The following LPAR5 variants were observed in gnomAD, a reference collection of about 807,000 sequenced individuals.
The protein encoded by LPAR5 is lysophosphatidic acid receptor 5, also known as G protein-coupled receptor 92.
For missense variants in LPAR5, 544 were observed against 521.8 expected, an observed-to-expected ratio of 1.04 and a Z score of -0.41; for synonymous variants, 271 against 261.6, an observed-to-expected ratio of 1.04 and a Z score of -0.35.
rs900042946 is a variant in LPAR5, at chr12:6,622,752, T to A, written c.-216-1288A>T. The stretch of plus-strand genomic sequence containing the variant: ...AGCAAGACTCTGTCTCAAAAAAAAA[T>A]AAAATAAAAAATATTAAAAAATTAA... On this transcript the variant is annotated intron_variant, in intron 1 of 1. Transcript: ENST00000329858. Among the ~76,000 whole-genome samples the A allele has an allele frequency of 2.8e-4, 42 of 149,624 alleles. No individual in the cohort carries two copies. The East Asian group carries it at 4.0e-3, about 14-fold the overall frequency.
intron 1 of LPAR5, among the ~76,000 whole-genome samples, chr12:6,631,997 A>G (rs1022505528): frequency 1.5e-4 from 23 of 151,542 alleles, no homozygotes; most frequent in African/African-American, 5.1e-4. Flanking sequence ...TTTGAGACGG[A>G]GTCTCGCACT....
chr12:6,630,188 A>G (rs1046222391), intron 1 of LPAR5, among the ~76,000 whole-genome samples: 16 of 151,044 alleles, frequency 1.1e-4, no homozygotes, highest in Admixed American at 6.6e-5. Context: ...CAGTATCACA[A>G]TCTTGGCTCA....
Position 6,621,327 on chromosome 12 carries a change from G to T in LPAR5, c.-79C>A. The stretch of plus-strand genomic sequence containing the variant: ...ATCATGGCATGGCATTCACCTCCGG[G>T]GCTGGGGCCTAGAGGCTGTACAGAC... On this transcript the variant is annotated 5_prime_UTR_variant, in exon 2 of 2. Coordinates refer to ENST00000329858, the MANE Select transcript of LPAR5 (RefSeq NM_020400.6). The T allele has an allele frequency of 7.3e-7, 1 of 1,370,562 alleles. No individual in the cohort carries two copies. 84.9% of individuals were successfully genotyped at this position (1,370,562 alleles called of 1,614,324 possible). A position where few individuals can be genotyped will look rare whatever the true frequency, so the allele number is the denominator to read the frequency against.
chr12:6,625,391 CG>C, intron 1 of LPAR5, among the ~76,000 whole-genome samples: 1 of 127,032 alleles, frequency 7.9e-6, no homozygotes, highest in East Asian at 2.4e-4. Context: ...AGCCACTGCA[CG>C]CCAGCCTGGG....
At position 6,619,881 on chromosome 12, in the gene LPAR5, C is replaced by T. The variant is rs867030274; in HGVS notation, c.*249G>A. The T allele has an allele frequency of 2.6e-5, 18 of 687,038 alleles. No individual in the cohort carries two copies. The Middle Eastern group carries it at 2.8e-3, about 107-fold the overall frequency. 42.6% of individuals were successfully genotyped at this position (687,038 alleles called of 1,614,324 possible). On this transcript the variant is annotated 3_prime_UTR_variant, in exon 2 of 2. Transcript: ENST00000329858. ...CTCTTCTGCCCTCTGCACGGGTGGG[C>T]TCTCTGCATCACTTCCCACCGCTGG...
chr12:6,635,581 C>G (rs781014581), intron 1 of LPAR5, among the ~76,000 whole-genome samples: 1 of 152,096 alleles, frequency 6.6e-6, no homozygotes, highest in Non-Finnish European at 1.5e-5. Flanking sequence ...AGGGCCCTCC[C>G]TGGGAGGCCC....
In LPAR5 at chr12:6,620,536, G is replaced by C; in HGVS notation, c.713C>G (p.Ala238Gly). ...RRRKTVRLLL[A>G]NLVIFLLCFV... ...GCACAGCAGGAAGATGACGAGGTTA[G>C]CCAGCAGGAGGCGCACGGTCTTCCG... The change falls in exon 2 of 2, where the codon GCT becomes GGT. Residue 238 changes from alanine (A) to glycine (G), a missense_variant. Physicochemically the swap from Ala to Gly is moderately conservative, Grantham distance 60. Coordinates refer to ENST00000329858, the MANE Select transcript of LPAR5 (RefSeq NM_020400.6). This position sits in a 1 kb window ranked among gnomAD's most constrained non-coding sequence, Gnocchi z 6.8. 1.3e-6 allele frequency: 2 copies of C among 1,570,730 alleles called. No homozygotes were observed. Among genetic ancestry groups the C allele is most frequent in the Non-Finnish European group, 1.7e-6 (2 of 1,158,492 alleles).
At position 6,621,076 on chromosome 12, in the gene LPAR5, C is replaced by T. The variant is rs374451689; in HGVS notation, c.173G>A (p.Ser58Asn). 76 of 1,603,386 alleles carry T rather than the reference C, an allele frequency of 4.7e-5. 1 individual carries two copies. Among genetic ancestry groups the T allele is most frequent in the African/African-American group, 2.8e-4 (21 of 74,656 alleles). Residue 58 changes from serine (S) to asparagine (N), a missense_variant, in exon 2 of 2, where the codon AGC becomes AAC. By Grantham distance (46) the Ser-to-Asn change is conservative. Coordinates refer to ENST00000329858, the MANE Select transcript of LPAR5 (RefSeq NM_020400.6). ...GGCCGCCAGGTTACACATGTACACG[C>T]TCACCACCGAGTGCACGCGCAGCGC... ...LRALRVHSVV[S>N]VYMCNLAASD...
Position 6,620,230 on chromosome 12 carries a change from TCGGTGGTGACGG to T in LPAR5, c.1007_1018del (p.Ala336_Thr339del). On this transcript the variant is annotated inframe_deletion, in exon 2 of 2. Transcript: ENST00000329858. This position sits in a 1 kb window ranked among gnomAD's most constrained non-coding sequence, Gnocchi z 6.8. ...ACTGGCGGCATCCGGCCTGGTGGCG[TCGGTGGTGACGG>T]CGGACCTTTCGGATTGCGCGAGCGC... 2.5e-6 allele frequency: 4 copies of T among 1,611,900 alleles called. No homozygotes were observed. The highest frequency in any genetic ancestry group is 3.4e-6 in the Non-Finnish European group (4 of 1,179,084).
chr12:6,635,042 G>A lies in LPAR5; in HGVS notation c.-217+865C>T, dbSNP rs564181169. ...GCGGAGGTTGCAGTGAGCTGAGAGC[G>A]TGCCACTGCACTCCAGCCTGGGTGA... On this transcript the variant is annotated intron_variant, in intron 1 of 1. Coordinates refer to ENST00000329858, the MANE Select transcript of LPAR5 (RefSeq NM_020400.6). Among the ~76,000 whole-genome samples the A allele has an allele frequency of 6.8e-5, 10 of 147,998 alleles. No individual in the cohort carries two copies. In the South Asian group the frequency reaches 1.5e-3, roughly 22 times the overall value.
In LPAR5 at chr12:6,621,004, T is replaced by C. The variant is rs1357775157; in HGVS notation, c.245A>G (p.Tyr82Cys). The C allele has an allele frequency of 2.5e-6, 4 of 1,612,690 alleles. No homozygotes were observed. In the Admixed American group the frequency reaches 6.7e-5, roughly 27 times the overall value. ...TLSLPVRLSY[Y>C]ALHHWPFPDL... ...GGGGAAGGGCCAGTGGTGCAGTGCGTAGTAGGAGAGACGAACGGGCAGCGA... is the reference window on the plus strand; with the variant it reads ...GGGGAAGGGCCAGTGGTGCAGTGCGCAGTAGGAGAGACGAACGGGCAGCGA... The change falls in exon 2 of 2, where the codon TAC (tyrosine) becomes TGC (cysteine). Residue 82 changes from tyrosine to cysteine, a missense_variant. Tyr to Cys is a radical substitution (Grantham distance 194). Transcript: ENST00000329858.
chr12:6,618,982 C>A lies in LPAR5; in HGVS notation c.*1148G>T, dbSNP rs1948861646. 2 of 152,196 alleles carry A rather than the reference C, an allele frequency of 1.3e-5. No individual in the cohort carries two copies. Among genetic ancestry groups the A allele is most frequent in the Admixed American group, 6.5e-5 (1 of 15,268 alleles). 9.4% of individuals were successfully genotyped at this position (152,196 alleles called of 1,614,324 possible). ...CTCAAAGTGTGATCCAGGGACCAAC[C>A]CTCTGAGGAAGTCCACGAGGTCAAG... On this transcript the variant is annotated 3_prime_UTR_variant, in exon 2 of 2. Transcript: ENST00000329858.
At chr12:6,634,777 C>T (rs555552342) in intron 1 of LPAR5, among the ~76,000 whole-genome samples, 11 of 150,766 alleles carry the variant, frequency 7.3e-5, no homozygotes, top group Admixed American at 5.3e-4. Flanking sequence ...GCCTGGGCAA[C>T]AGAGTGAGAT....
At chr12:6,623,917 G>A (rs1396438871) in intron 1 of LPAR5, among the ~76,000 whole-genome samples, 2 of 152,016 alleles carry the variant, frequency 1.3e-5, no homozygotes, top group African/African-American at 2.4e-5. Context: ...CCGAGATCAC[G>A]CCACTGCACT....
chr12:6,622,271 A>G (rs1232660575), intron 1 of LPAR5, among the ~76,000 whole-genome samples: 1 of 149,882 alleles, frequency 6.7e-6, no homozygotes, highest in Non-Finnish European at 1.5e-5. Context: ...TAAAAAAAAT[A>G]CCAAAAATTA....
chr12:6,631,224 A>T (rs558203093), intron 1 of LPAR5, among the ~76,000 whole-genome samples: 78 of 152,144 alleles, frequency 5.1e-4, no homozygotes, highest in Admixed American at 2.0e-3. Flanking sequence ...ATATACACAC[A>T]CGCTAAGAGA....
At chr12:6,627,416 C>T (rs907317310) in intron 1 of LPAR5, among the ~76,000 whole-genome samples, 4 of 152,128 alleles carry the variant, frequency 2.6e-5, no homozygotes, top group Non-Finnish European at 5.9e-5. Flanking sequence ...ATGGTGAAAC[C>T]TCGTCTCTAC....
intron 1 of LPAR5, among the ~76,000 whole-genome samples, chr12:6,634,310 A>G (rs1176187058): frequency 6.6e-6 from 1 of 152,054 alleles, no homozygotes; most frequent in Non-Finnish European, 1.5e-5. Context: ...CCGCTCTACA[A>G]AAAAATTTCA....
intron 1 of LPAR5, among the ~76,000 whole-genome samples, chr12:6,625,326 G>A (rs1168053777): frequency 6.6e-6 from 1 of 150,916 alleles, no homozygotes; most frequent in African/African-American, 2.4e-5. Context: ...TCAGGAGGCT[G>A]AGGCAGGAGA....
Sources: allele counts gnomAD v4.1 joint callset (sites outside exome capture counted in the v4.1 genomes callset), GRCh38; gene constraint gnomAD v4.1.1; non-coding constraint Gnocchi (gnomAD v3.1); transcripts MANE v1.5; gene names NCBI Gene and HGNC (gene_info 2026-07-23, HGNC 2026-07-21).